The following TMEM108 variants were observed in gnomAD, a reference collection of about 807,000 sequenced individuals.
TMEM108 encodes transmembrane protein 108, also known as cancer/testis antigen 124.
A neutral mutation model predicts 35.1 loss-of-function variants in TMEM108; 12 were observed. That is an observed-to-expected ratio of 0.34 (90% CI 0.22 to 0.55). The LOEUF is 0.55. Ranked by LOEUF, TMEM108 falls within the 20% of genes least tolerant of loss-of-function variation. The pLI, the probability that TMEM108 is intolerant of heterozygous loss-of-function variation, is 0.89. For synonymous variants in TMEM108, 287 were observed against 308.6 expected, an observed-to-expected ratio of 0.93 and a Z score of 0.73; for missense variants, 680 against 753.3, an observed-to-expected ratio of 0.90 and a Z score of 1.14.
At chr3:133,239,149 C>G (rs896950784) in intron 3 of TMEM108, among the ~76,000 whole-genome samples, 2 of 152,178 alleles carry the variant, frequency 1.3e-5, no homozygotes, top group African/African-American at 4.8e-5. Context: ...TGTCCCCCAC[C>G]CCTTACAAAT....
intron 2 of TMEM108, among the ~76,000 whole-genome samples, chr3:133,179,977 T>C (rs1241061700): frequency 6.6e-6 from 1 of 151,758 alleles, no homozygotes; most frequent in Admixed American, 6.6e-5. Context: ...GAAAAACATA[T>C]AACTTAAAAT....
intron 2 of TMEM108, among the ~76,000 whole-genome samples, chr3:133,131,827 T>C (rs1944494649): frequency 6.6e-6 from 1 of 151,962 alleles, no homozygotes; most frequent in African/African-American, 2.4e-5. Context: ...AACACACAAA[T>C]GATAAGAAAG....
At chr3:133,265,180 A>G (rs200363517) in intron 3 of TMEM108, among the ~76,000 whole-genome samples, 2 of 152,242 alleles carry the variant, frequency 1.3e-5, no homozygotes, top group East Asian at 3.8e-4. Context: ...TCTGCTAGGA[A>G]TCATCATAGC....
At chr3:133,280,846 A>G (rs1653391271) in intron 3 of TMEM108, among the ~76,000 whole-genome samples, 2 of 152,220 alleles carry the variant, frequency 1.3e-5, no homozygotes, top group Admixed American at 6.5e-5. Context: ...CTTTATCCAC[A>G]TGGTTTCACA....
intron 2 of TMEM108, among the ~76,000 whole-genome samples, chr3:133,131,814 G>C (rs940547035): frequency 6.6e-6 from 1 of 152,038 alleles, no homozygotes; most frequent in Non-Finnish European, 1.5e-5. Context: ...TCCTACTCCA[G>C]TTAACACACA....
At chr3:133,293,205 T>A (rs1215155265) in intron 3 of TMEM108, among the ~76,000 whole-genome samples, 4 of 151,982 alleles carry the variant, frequency 2.6e-5, no homozygotes, top group South Asian at 4.2e-4. Flanking sequence ...CATCAAAGGA[T>A]CCAGCCTCCA....
At chr3:133,163,269 T>C (rs1347312205) in intron 2 of TMEM108, among the ~76,000 whole-genome samples, 1 of 152,098 alleles carries the variant, frequency 6.6e-6, no homozygotes, top group East Asian at 1.9e-4. Context: ...CCATCCCCCC[T>C]AGAGTAAATT....
intron 3 of TMEM108, among the ~76,000 whole-genome samples, chr3:133,239,799 A>G (rs1294305610): frequency 6.6e-6 from 1 of 152,216 alleles, no homozygotes; most frequent in African/African-American, 2.4e-5. Context: ...CTTGGGCTAC[A>G]TGATGGAGAA....
chr3:133,392,140 CTT>C (rs548497085), intron 5 of TMEM108, among the ~76,000 whole-genome samples: 16 of 140,650 alleles, frequency 1.1e-4, no homozygotes, highest in Admixed American at 1.4e-4. Context: ...CACTTCTCTT[CTT>C]TTTTTTTTTT....
intron 2 of TMEM108, among the ~76,000 whole-genome samples, chr3:133,056,393 A>AT (rs1943466661): frequency 6.6e-6 from 1 of 152,070 alleles, no homozygotes; most frequent in Non-Finnish European, 1.5e-5. Flanking sequence ...TGTCCCTATC[A>AT]TTTTTTAGAA....
At chr3:133,284,093 G>GTACA (rs768947227) in intron 3 of TMEM108, among the ~76,000 whole-genome samples, 14 of 152,154 alleles carry the variant, frequency 9.2e-5, no homozygotes, top group Non-Finnish European at 2.1e-4. Flanking sequence ...GTCAGAGGAG[G>GTACA]GTGTAGCTTG....
intron 2 of TMEM108, among the ~76,000 whole-genome samples, chr3:133,051,452 A>G (rs931879022): frequency 2.2e-4 from 33 of 151,974 alleles, no homozygotes; most frequent in African/African-American, 4.8e-4. Flanking sequence ...TTTTTTCCCA[A>G]TCTGTGGATT....
At chr3:133,184,198 A>C (rs1456381384) in intron 2 of TMEM108, among the ~76,000 whole-genome samples, 3 of 151,970 alleles carry the variant, frequency 2.0e-5, no homozygotes, top group Non-Finnish European at 2.9e-5. Flanking sequence ...TTGGATATTT[A>C]CTTAGAGTAA....
chr3:133,287,583 T>C (rs545287373), intron 3 of TMEM108, among the ~76,000 whole-genome samples: 1 of 152,300 alleles, frequency 6.6e-6, no homozygotes, highest in African/African-American at 2.4e-5. Flanking sequence ...AGGTGCTAGA[T>C]AGAAATTACA....
At chr3:133,264,790 T>C (rs1018333068) in intron 3 of TMEM108, among the ~76,000 whole-genome samples, 1 of 152,144 alleles carries the variant, frequency 6.6e-6, no homozygotes, top group Non-Finnish European at 1.5e-5. Flanking sequence ...ACCTACCCTA[T>C]AGGCTTACTG....
chr3:133,126,194 C>T (rs115776218), intron 2 of TMEM108, among the ~76,000 whole-genome samples: 4,710 of 152,078 alleles, frequency 0.031, 129 homozygotes, highest in South Asian at 0.065. Flanking sequence ...TGACCAGGTG[C>T]GGTGGCTCAC....
At chr3:133,314,655 C>G (rs1469780842) in intron 3 of TMEM108, among the ~76,000 whole-genome samples, 1 of 152,214 alleles carries the variant, frequency 6.6e-6, no homozygotes, top group African/African-American at 2.4e-5. Context: ...CCTAGTCCCT[C>G]AGATGTCTAT....
At chr3:133,057,208 G>C (rs1943475565) in intron 2 of TMEM108, among the ~76,000 whole-genome samples, 1 of 151,982 alleles carries the variant, frequency 6.6e-6, no homozygotes, top group Non-Finnish European at 1.5e-5. Flanking sequence ...TTGCTCAAAT[G>C]ATTTAAGCCA....
At chr3:133,087,788 C>T (rs17360639) in intron 2 of TMEM108, among the ~76,000 whole-genome samples, 1,662 of 152,250 alleles carry the variant, frequency 0.011, 21 homozygotes, top group Admixed American at 0.016. Context: ...AGTGTTGTCA[C>T]CTTTCCACTG....
Sources: gnomAD v4.1 joint callset for allele counts (sites outside exome capture counted in the v4.1 genomes callset) on GRCh38, gnomAD v4.1.1 for gene constraint, MANE v1.5 for transcripts, NCBI Gene and HGNC (gene_info 2026-07-23, HGNC 2026-07-21) for gene names.